Variants in WIPF3 observed in about 807,000 individuals in gnomAD.
The protein encoded by WIPF3 is WAS/WASL interacting protein family member 3.
WIPF3 carries 33 observed loss-of-function variants against 38.9 expected under a neutral mutation model. The observed-to-expected ratio is 0.85, with a 90% confidence interval of 0.64 to 1.14. The LOEUF (loss-of-function observed/expected upper bound fraction) is 1.14. WIPF3 is among the 50% of genes most tolerant of loss of function. WIPF3 has a pLI of 0.00. For missense variants in WIPF3, 711 were observed against 652.5 expected, an observed-to-expected ratio of 1.09 and a Z score of -0.98; for synonymous variants, 324 against 269.3, an observed-to-expected ratio of 1.20 and a Z score of -1.99.
At chr7:29,820,980 A>G (rs1409354109) in intron 1 of WIPF3, among the ~76,000 whole-genome samples, 1 of 152,158 alleles carries the variant, frequency 6.6e-6, no homozygotes, top group Non-Finnish European at 1.5e-5. Flanking sequence ...GCGTATTTCC[A>G]TAGCTGTTTC....
chr7:29,883,742 A>G (rs1337128731), intron 4 of WIPF3, 108 bp from the exon 5 acceptor site: 2 of 1,416,158 alleles, frequency 1.4e-6, no homozygotes, highest in East Asian at 5.4e-5. Context: ...AAAGCGGTCT[A>G]CAGTGCAGCT....
At chr7:29,879,182 CCTTAA>C (rs762757959) in intron 4 of WIPF3, 42 bp downstream of exon 4, 4 of 1,587,554 alleles carry the variant, frequency 2.5e-6, no homozygotes, top group Non-Finnish European at 3.4e-6. Flanking sequence ...GTCTGTATCT[CCTTAA>C]CTTGTGGAAC....
chr7:29,892,432 C>T (rs1347165804), intron 7 of WIPF3, among the ~76,000 whole-genome samples: 1 of 152,212 alleles, frequency 6.6e-6, no homozygotes, highest in African/African-American at 2.4e-5. Context: ...GGCATTGGAG[C>T]GTGAACCTGT....
Position 29,888,134 on chromosome 7 carries a change from C to T in WIPF3, c.1166C>T (p.Ser389Leu). 1 of 1,613,920 alleles carries T rather than the reference C, an allele frequency of 6.2e-7. No homozygotes were observed. Among genetic ancestry groups the T allele is most frequent in the Non-Finnish European group, 8.5e-7 (1 of 1,179,860 alleles). Reference sequence around the variant, plus strand: ...GCGAGATCACCTACCACAGAGCTTTCAAGCAAGAGCCAGCAGGCCACAGCC... The same window carrying T: ...GCGAGATCACCTACCACAGAGCTTTTAAGCAAGAGCCAGCAGGCCACAGCC... The part of the protein sequence containing the change: ...PPARSPTTEL[S>L]SKSQQATAWT... Residue 389 changes from serine to leucine, a missense_variant, in exon 6 of 9, where the codon TCA becomes TTA. Physicochemically the swap from Ser to Leu is moderately radical, Grantham distance 145. Coordinates refer to ENST00000242140, the MANE Select transcript of WIPF3 (RefSeq NM_001080529.3).
At chr7:29,906,980 G>A (rs1422862867) in intron 8 of WIPF3, among the ~76,000 whole-genome samples, 2 of 152,300 alleles carry the variant, frequency 1.3e-5, no homozygotes, top group East Asian at 3.9e-4. Flanking sequence ...CAAAAGCTGA[G>A]GGAGTTTGTT....
At chr7:29,910,975 A>G (rs1301203034) in intron 8 of WIPF3, among the ~76,000 whole-genome samples, 4 of 152,124 alleles carry the variant, frequency 2.6e-5, no homozygotes, top group African/African-American at 9.7e-5. Flanking sequence ...AAGAAGTAAA[A>G]TTATCTCTGT....
chr7:29,898,748 G>T (rs1054142348), intron 7 of WIPF3, among the ~76,000 whole-genome samples: 4 of 152,044 alleles, frequency 2.6e-5, no homozygotes, highest in African/African-American at 7.3e-5. Context: ...TAATACATTG[G>T]TGTACATATT....
chr7:29,831,826 A>G lies in WIPF3; in HGVS notation c.-57-2842A>G, dbSNP rs1168197266. On this transcript the variant is annotated intron_variant, in intron 1 of 8. Transcript: ENST00000242140. The stretch of plus-strand genomic sequence containing the variant: ...AGAAGGTCTTTCTGAACCAGCCCAG[A>G]AGTAATAGCACATCACTTCGACCTT... 2.0e-5 allele frequency among the ~76,000 whole-genome samples: 3 copies of G among 152,196 alleles called. No individual in the cohort carries two copies. The East Asian group carries it at 5.8e-4, about 29-fold the overall frequency.
At chr7:29,831,225 C>T (rs925764454) in intron 1 of WIPF3, among the ~76,000 whole-genome samples, 6 of 152,276 alleles carry the variant, frequency 3.9e-5, no homozygotes, top group East Asian at 3.9e-4. Flanking sequence ...CCAAGAAGGC[C>T]GTGATGTGCC....
At chr7:29,888,250 G>A in intron 6 of WIPF3, 33 bp downstream of exon 6, 1 of 1,578,996 alleles carries the variant, frequency 6.3e-7, no homozygotes, top group Admixed American at 1.8e-5. Context: ...CGGTTTGGCT[G>A]CCAGTAGGAA....
At chr7:29,864,567 A>G (rs1312617539) in intron 2 of WIPF3, among the ~76,000 whole-genome samples, 2 of 152,218 alleles carry the variant, frequency 1.3e-5, no homozygotes, top group African/African-American at 4.8e-5. Flanking sequence ...TACTGTCTGT[A>G]TGGAAACAAA....
intron 2 of WIPF3, among the ~76,000 whole-genome samples, chr7:29,857,303 C>T (rs1168292692): frequency 6.6e-6 from 1 of 152,038 alleles, no homozygotes; most frequent in Non-Finnish European, 1.5e-5. Flanking sequence ...AGTTGTTTCT[C>T]TTAAAAAGAA....
chr7:29,834,930 C>A, intron 2 of WIPF3, 116 bp downstream of exon 2: 1 of 1,263,948 alleles, frequency 7.9e-7, no homozygotes, highest in Non-Finnish European at 1.1e-6. Context: ...TGGCAGGTGG[C>A]ATCTTAGGTG....
rs1256229148 is a variant in WIPF3 at position 29,904,318 on chromosome 7, G to A, written c.1384G>A (p.Ala462Thr). The change falls in exon 8 of 9, where the codon GCA (alanine) becomes ACA (threonine). Residue 462 changes from alanine (A) to threonine (T), a missense_variant. Transcript: ENST00000242140. ...ACCTGGTCCCTGGCTCCAAGCGGAA[G>A]CAGTCGGGCAGAGCTCTGATGACAT... ...RTPGPWLQAE[A>T]VGQSSDDIKG... The A allele has an allele frequency of 5.6e-6, 9 of 1,613,830 alleles. No individual in the cohort carries two copies. In the African/African-American group the frequency reaches 1.1e-4, roughly 19 times the overall value.
chr7:29,879,225 A>C, intron 4 of WIPF3, 85 bp downstream of exon 4: 2 of 1,510,822 alleles, frequency 1.3e-6, no homozygotes, highest in South Asian at 2.4e-5. Flanking sequence ...CATGCCAGTA[A>C]GCAACATGGT....
At chr7:29,820,271 GT>G (rs1050737625) in intron 1 of WIPF3, among the ~76,000 whole-genome samples, 1 of 151,906 alleles carries the variant, frequency 6.6e-6, no homozygotes, top group African/African-American at 2.4e-5. Flanking sequence ...TTGTTTAATG[GT>G]TTTTATGGTG....
At chr7:29,894,378 A>T (rs571912824) in intron 7 of WIPF3, among the ~76,000 whole-genome samples, 1 of 152,316 alleles carries the variant, frequency 6.6e-6, no homozygotes, top group South Asian at 2.1e-4. Flanking sequence ...TAAACAGCCT[A>T]TTAAATGAAC....
At chr7:29,815,552 A>T (rs1030364546) in intron 1 of WIPF3, among the ~76,000 whole-genome samples, 9 of 152,210 alleles carry the variant, frequency 5.9e-5, no homozygotes, top group Non-Finnish European at 1.0e-4. Flanking sequence ...AGACGAGCCA[A>T]GATACCTGTC....
intron 2 of WIPF3, among the ~76,000 whole-genome samples, chr7:29,846,477 G>C (rs174943): frequency 0.74 from 112,691 of 152,028 alleles, 42,452 homozygotes; most frequent in East Asian, 0.87. Context: ...CAGGCAGGTG[G>C]ATCACCTGAG....
Sources: allele counts gnomAD v4.1 joint callset (sites outside exome capture counted in the v4.1 genomes callset), GRCh38; gene constraint gnomAD v4.1.1; transcripts MANE v1.5; gene names NCBI Gene and HGNC (gene_info 2026-07-23, HGNC 2026-07-21).